The following SFPQ variants were observed in gnomAD, a reference collection of about 807,000 sequenced individuals.
The protein encoded by SFPQ is splicing factor, proline- and glutamine-rich.
A neutral mutation model predicts 72.9 loss-of-function variants in SFPQ; 11 were observed. The ratio of observed to expected loss-of-function variants is 0.15; its 90% confidence interval spans 0.09 to 0.25. The LOEUF is 0.25. Ranked by LOEUF, SFPQ falls within the 10% of genes least tolerant of loss-of-function variation. The pLI, the probability that SFPQ is intolerant of heterozygous loss-of-function variation, is 1.00. For missense variants in SFPQ, 847 were observed against 993.3 expected, an observed-to-expected ratio of 0.85 and a Z score of 1.98; for synonymous variants, 506 against 367.3, an observed-to-expected ratio of 1.38 and a Z score of -4.32.
downstream of SFPQ, chr1:35,181,576 T>G (rs1639467896): frequency 1.9e-6 from 2 of 1,061,802 alleles, no homozygotes; most frequent in African/African-American, 3.3e-5. Context: ...AAATACCTAT[T>G]AAATACACTG....
chr1:35,184,236 A>G lies in SFPQ; in HGVS notation c.*220T>C, dbSNP rs1361792001. 2 of 1,318,234 alleles carry G rather than the reference A, an allele frequency of 1.5e-6. No homozygotes were observed. The highest frequency in any genetic ancestry group is 1.9e-6 in the Non-Finnish European group (2 of 1,041,420). 81.7% of individuals were successfully genotyped at this position (1,318,234 alleles called of 1,614,324 possible). On this transcript the variant is annotated 3_prime_UTR_variant, in exon 10 of 10. Transcript: ENST00000357214. ...AACTTGAGGGACATTATACAGTAAA[A>G]AAGAAAAAATAAAGAAATAAAAAGG...
In SFPQ at chr1:35,192,474, CGGGACT is replaced by C; in HGVS notation, c.570_575del (p.Val191_Pro192del). The C allele has an allele frequency of 7.5e-7, 1 of 1,334,626 alleles. No homozygotes were observed. The highest frequency in any genetic ancestry group is 9.5e-7 in the Non-Finnish European group (1 of 1,049,880). The allele number at this position is 1,334,626 out of a possible 1,614,324, so 82.7% of individuals were successfully genotyped here. A position where few individuals can be genotyped will look rare whatever the true frequency, so the allele number is the denominator to read the frequency against. The stretch of plus-strand genomic sequence containing the variant: ...CCTGCTTAGGCCCTGGACCCGGGCC[CGGGACT>C]GCCGCGGGCGGAGGCGGCGGGCCTC... On this transcript the variant is annotated inframe_deletion, in exon 1 of 10. Transcript: ENST00000357214.
chr1:35,190,370 T>C, intron 4 of SFPQ, 128 bp downstream of exon 4: 1 of 658,680 alleles, frequency 1.5e-6, no homozygotes. Flanking sequence ...CAGCCTGAGA[T>C]TTTTTACTAA....
intron 2 of SFPQ, 136 bp from the exon 3 acceptor site, chr1:35,191,131 C>A: frequency 1.2e-6 from 1 of 858,884 alleles, no homozygotes. Context: ...CACCCACTAA[C>A]ACCACTTAGT....
downstream of SFPQ, chr1:35,178,121 A>T (rs1428190453): frequency 1.7e-6 from 2 of 1,174,524 alleles, no homozygotes; most frequent in Non-Finnish European, 2.1e-6. Context: ...CAAAATTTAA[A>T]GAGTAAAAAT....
downstream of SFPQ, chr1:35,180,308 G>T: frequency 1.9e-6 from 2 of 1,044,516 alleles, no homozygotes; most frequent in Middle Eastern, 4.4e-4. Flanking sequence ...AACAAAAGTT[G>T]TGCTTTTGAA....
chr1:35,178,901 AT>A (rs1314514069), downstream of SFPQ: 46 of 1,040,106 alleles, frequency 4.4e-5, no homozygotes, highest in East Asian at 2.8e-4. Flanking sequence ...AAAAAAAAAA[AT>A]ATTTTTTTCA....
rs767725554 is a variant in SFPQ at position 35,189,071 on chromosome 1, C to T, written c.1629G>A (p.Gln543=). 2.0e-5 allele frequency: 32 copies of T among 1,613,138 alleles called. No individual in the cohort carries two copies. Among genetic ancestry groups the T allele is most frequent in the Non-Finnish European group, 2.2e-5 (26 of 1,179,892 alleles). ...GTTCTTCCATGCGTCTTAATTCTTC[C>T]TGTCGTCTCATCAGATCTGAACATT... ...NLLRQDLMRR[Q]EELRRMEELH... The change falls in exon 6 of 10, where the codon CAG becomes CAA. Residue 543 remains glutamine (Q), a synonymous_variant. Transcript: ENST00000357214.
downstream of SFPQ, chr1:35,181,974 G>A (rs181589714): frequency 7.6e-5 from 75 of 985,270 alleles, no homozygotes; most frequent in South Asian, 2.1e-3. Flanking sequence ...ACAGTCCACA[G>A]TAAGGGTATC....
Position 35,183,140 on chromosome 1 carries a change from T to C in SFPQ, c.*1316A>G. The C allele has an allele frequency of 4.9e-6, 5 of 1,026,888 alleles. No individual in the cohort carries two copies. The highest frequency in any genetic ancestry group is 5.8e-6 in the Non-Finnish European group (5 of 854,962). The allele number at this position is 1,026,888 out of a possible 1,614,324, so 63.6% of individuals were successfully genotyped here. On this transcript the variant is annotated 3_prime_UTR_variant, in exon 10 of 10. Transcript: ENST00000357214. ...CAATAGATTTTTATAGTCCTATAGA[T>C]TTTGCCCAACAGAAGTAGCACAAGG...
chr1:35,184,077 C>A lies in SFPQ; in HGVS notation c.*379G>T. 1.8e-6 allele frequency: 2 copies of A among 1,096,224 alleles called. No individual in the cohort carries two copies. The highest frequency in any genetic ancestry group is 3.7e-5 in the South Asian group (1 of 27,336). 67.9% of individuals were successfully genotyped at this position (1,096,224 alleles called of 1,614,324 possible). A position where few individuals can be genotyped will look rare whatever the true frequency, so the allele number is the denominator to read the frequency against. ...ATGCTTTCAATGTGGAATACGTAGC[C>A]TAATATGCATAGAAGCATGAATGGC... On this transcript the variant is annotated 3_prime_UTR_variant, in exon 10 of 10. Coordinates refer to ENST00000357214, the MANE Select transcript of SFPQ (RefSeq NM_005066.3).
At chr1:35,185,120 T>C (rs1639643516) in intron 9 of SFPQ, among the ~76,000 whole-genome samples, 1 of 152,222 alleles carries the variant, frequency 6.6e-6, no homozygotes, top group Non-Finnish European at 1.5e-5. Flanking sequence ...TGCAGAAATC[T>C]TAAAAGGTTG....
At chr1:35,178,192 G>A, downstream of SFPQ, 1 of 1,067,744 alleles carries the variant, frequency 9.4e-7, no homozygotes, top group Non-Finnish European at 1.1e-6. Flanking sequence ...CTTCATGGTG[G>A]GGGGGAAATC....
intron 1 of SFPQ, among the ~76,000 whole-genome samples, chr1:35,191,985 C>G (rs940649035): frequency 6.6e-6 from 1 of 152,124 alleles, no homozygotes; most frequent in Non-Finnish European, 1.5e-5. Flanking sequence ...ACCGCGGCCC[C>G]GCGCTTCCTT....
chr1:35,180,792 C>T (rs1382568429), downstream of SFPQ: 1 of 1,062,882 alleles, frequency 9.4e-7, no homozygotes, highest in Admixed American at 5.4e-5. Flanking sequence ...GTGCTAAAAG[C>T]ACCCTAGTTC....
At position 35,192,823 on chromosome 1, in the gene SFPQ, T is replaced by G; in HGVS notation, c.227A>C (p.Gln76Pro). Reference sequence around the variant, plus strand: ...CGGTGGCGGCTGCTGCGGCGGTGGCTGCTGCGGTGGTGGCTGTTGCTGCTG... The same window carrying G: ...CGGTGGCGGCTGCTGCGGCGGTGGCGGCTGCGGTGGTGGCTGTTGCTGCTG... ...HQQQQQPPPQ[Q>P]PPPQQPPPHQ... is the part of the protein sequence containing the mutation. The change falls in exon 1 of 10, where the codon CAG (glutamine) becomes CCG (proline). Residue 76 changes from glutamine to proline, a missense_variant. Coordinates refer to ENST00000357214, the MANE Select transcript of SFPQ (RefSeq NM_005066.3). 6.6e-7 allele frequency: 1 copy of G among 1,512,148 alleles called. No individual in the cohort carries two copies. Among genetic ancestry groups the G allele is most frequent in the Non-Finnish European group, 8.8e-7 (1 of 1,136,858 alleles). The allele number at this position is 1,512,148 out of a possible 1,614,324, so 93.7% of individuals were successfully genotyped here.
chr1:35,192,394 C>A lies in SFPQ; in HGVS notation c.656G>T (p.Gly219Val). ...GGKMPGGPKP[G>V]GGPGLSTPGG... ...AGGCGTACTTAGGCCCGGGCCGCCA[C>A]CTGGCTTCGGCCCGCCAGGCATTTT... Residue 219 changes from glycine (G) to valine (V), a missense_variant, in exon 1 of 10, where the codon GGT (glycine) becomes GTT (valine). Transcript: ENST00000357214. The A allele has an allele frequency of 7.1e-7, 1 of 1,417,890 alleles. No homozygotes were observed. The highest frequency in any genetic ancestry group is 9.1e-7 in the Non-Finnish European group (1 of 1,094,430). The allele number at this position is 1,417,890 out of a possible 1,614,324, so 87.8% of individuals were successfully genotyped here.
At chr1:35,182,179 ACATT>A (rs1157558671), downstream of SFPQ, 20 of 985,316 alleles carry the variant, frequency 2.0e-5, no homozygotes, top group Non-Finnish European at 2.4e-5. Flanking sequence ...CCACCCACAC[ACATT>A]CAAAGTTCAC....
rs777873449 is a variant in SFPQ at position 35,192,951 on chromosome 1, A to G, written c.99T>C (p.Ser33=). 2 of 1,584,826 alleles carry G rather than the reference A, an allele frequency of 1.3e-6. No individual in the cohort carries two copies. Among genetic ancestry groups the G allele is most frequent in the Non-Finnish European group, 1.7e-6 (2 of 1,173,732 alleles). ...GGRGGLHDFR[S]PPPGMGLNQN... is the part of the protein sequence containing the mutation. ...GATTGAGGCCCATGCCGGGCGGCGG[A>G]GAACGGAAGTCGTGGAGGCCGCCGC... Residue 33 remains serine (S), a synonymous_variant, in exon 1 of 10, where the codon TCT becomes TCC. Transcript: ENST00000357214.
Sources: gnomAD v4.1 joint callset for allele counts (sites outside exome capture counted in the v4.1 genomes callset) on GRCh38, gnomAD v4.1.1 for gene constraint, MANE v1.5 for transcripts, NCBI Gene and HGNC (gene_info 2026-07-23, HGNC 2026-07-21) for gene names.